Variants in TNPO3 observed in about 807,000 individuals in gnomAD.
TNPO3 encodes transportin-3.
A neutral mutation model predicts 122.8 loss-of-function variants in TNPO3; 65 were observed. That is an observed-to-expected ratio of 0.53 (90% CI 0.43 to 0.65). The LOEUF is 0.65. Ranked by LOEUF, TNPO3 falls within the 30% of genes least tolerant of loss-of-function variation. TNPO3 has a pLI of 0.00. For missense variants in TNPO3, 850 were observed against 1,136.7 expected (o/e 0.75, Z 3.63); for synonymous variants, 372 against 411.2 (o/e 0.90, Z 1.15).
intron 4 of TNPO3, among the ~76,000 whole-genome samples, chr7:129,012,630 G>T (rs1730896346): frequency 6.6e-6 from 1 of 151,998 alleles, no homozygotes; most frequent in African/African-American, 2.4e-5. Flanking sequence ...AAACCCTTCT[G>T]GTCCCAAGCC....
intron 1 of TNPO3, among the ~76,000 whole-genome samples, chr7:129,037,176 A>G (rs1371735291): frequency 6.6e-6 from 1 of 152,256 alleles, no homozygotes; most frequent in East Asian, 1.9e-4. Flanking sequence ...TATGAAGAAT[A>G]AAAATGCCTC....
intron 1 of TNPO3, among the ~76,000 whole-genome samples, chr7:129,054,401 A>C (rs1809212376): frequency 6.6e-6 from 1 of 152,206 alleles, no homozygotes; most frequent in Admixed American, 6.5e-5. Context: ...GATTGATGCC[A>C]CAATCGAAGA....
intron 1 of TNPO3, 104 bp downstream of exon 1, chr7:129,054,544 AAGG>A: frequency 1.3e-6 from 2 of 1,513,240 alleles, no homozygotes; most frequent in Non-Finnish European, 1.8e-6. Flanking sequence ...GCTCCTCCCC[AAGG>A]AGGACCTCAC....
At chr7:128,961,693 G>A (rs1168288529) in intron 21 of TNPO3, among the ~76,000 whole-genome samples, 1 of 152,096 alleles carries the variant, frequency 6.6e-6, no homozygotes, top group African/African-American at 2.4e-5. Flanking sequence ...ATTTCTGAAA[G>A]CTTTTATGGT....
chr7:128,985,697 A>G, intron 12 of TNPO3, among the ~76,000 whole-genome samples: 1 of 152,344 alleles, frequency 6.6e-6, no homozygotes, highest in East Asian at 1.9e-4. Flanking sequence ...CCTCACTTCA[A>G]TGTCAAGGTT....
At chr7:128,980,391 T>G (rs960947378) in intron 14 of TNPO3, among the ~76,000 whole-genome samples, 2 of 152,174 alleles carry the variant, frequency 1.3e-5, no homozygotes, top group Non-Finnish European at 2.9e-5. Context: ...GTAGATCACC[T>G]GAGTCCAGGA....
chr7:128,959,780 G>C (rs1373068743), intron 21 of TNPO3, among the ~76,000 whole-genome samples: 1 of 152,180 alleles, frequency 6.6e-6, no homozygotes, highest in Non-Finnish European at 1.5e-5. Flanking sequence ...GCAGCACTTT[G>C]GGAGGCCAAG....
intron 17 of TNPO3, 94 bp from the exon 18 acceptor site, chr7:128,975,056 A>T: frequency 1.1e-6 from 1 of 928,912 alleles, no homozygotes; most frequent in Non-Finnish European, 1.7e-6. Context: ...GTACAAAAGG[A>T]ACAAAGAAGA....
chr7:129,054,797 C>G lies in TNPO3; in HGVS notation c.-27G>C. On this transcript the variant is annotated 5_prime_UTR_variant, in exon 1 of 23. Coordinates refer to ENST00000265388, the MANE Select transcript of TNPO3 (RefSeq NM_012470.4). Reference sequence around the variant, plus strand: ...GTGGTGGCGGTAGTGGCGGTAGCGACGGCTCTGATTCTTCTCCGGAGGATT... The same window carrying G: ...GTGGTGGCGGTAGTGGCGGTAGCGAGGGCTCTGATTCTTCTCCGGAGGATT... 1 of 1,613,820 alleles carries G rather than the reference C, an allele frequency of 6.2e-7. No homozygotes were observed. Among genetic ancestry groups the G allele is most frequent in the African/African-American group, 1.3e-5 (1 of 75,048 alleles).
chr7:129,042,817 C>T (rs1004484333), intron 1 of TNPO3, among the ~76,000 whole-genome samples: 1 of 148,598 alleles, frequency 6.7e-6, no homozygotes, highest in Admixed American at 6.7e-5. Flanking sequence ...TGAAATCAAA[C>T]TTAGCTAATA....
At chr7:129,011,309 A>G (rs529004385) in intron 4 of TNPO3, among the ~76,000 whole-genome samples, 47 of 152,322 alleles carry the variant, frequency 3.1e-4, no homozygotes, top group African/African-American at 9.1e-4. Flanking sequence ...AGGCATAGTT[A>G]CAGATTGGAT....
chr7:128,965,720 T>C (rs932844585), intron 21 of TNPO3, among the ~76,000 whole-genome samples: 2 of 152,202 alleles, frequency 1.3e-5, no homozygotes, highest in African/African-American at 2.4e-5. Context: ...TAAAATGTGG[T>C]ATATGCATAC....
rs35451473 is a variant in TNPO3 at position 129,015,380 on chromosome 7, A to AT, written c.396-246_396-245insA. Among the ~76,000 whole-genome samples, 96,759 of 152,060 alleles carry AT rather than the reference A, an allele frequency of 0.64. 31,111 individuals carry two copies. Among genetic ancestry groups the AT allele is most frequent in the Middle Eastern group, 0.71 (210 of 294 alleles). ...ATCTATATGTCCTAACATGAAAAAAAGTCCATAATGTAGTAAGTGAAAAAC... is the reference window on the plus strand; with the variant it reads ...ATCTATATGTCCTAACATGAAAAAAATGTCCATAATGTAGTAAGTGAAAAAC... On this transcript the variant is annotated intron_variant, in intron 3 of 22. Transcript: ENST00000265388.
chr7:129,036,452 A>G (rs1332311413), intron 1 of TNPO3, among the ~76,000 whole-genome samples: 1 of 152,204 alleles, frequency 6.6e-6, no homozygotes, highest in African/African-American at 2.4e-5. Flanking sequence ...CATAACAACC[A>G]AAAGAAAAGC....
At chr7:129,048,630 C>T (rs1293433875) in intron 1 of TNPO3, among the ~76,000 whole-genome samples, 1 of 148,904 alleles carries the variant, frequency 6.7e-6, no homozygotes, top group African/African-American at 2.5e-5. Flanking sequence ...ACATATACAT[C>T]TCATAAAGGA....
Position 128,972,580 on chromosome 7 carries a change from A to G in TNPO3, c.2276T>C (p.Phe759Ser). 6.2e-7 allele frequency: 1 copy of G among 1,613,040 alleles called. No homozygotes were observed. Among genetic ancestry groups the G allele is most frequent in the Non-Finnish European group, 8.5e-7 (1 of 1,179,572 alleles). ...VDDLFRLATR[F>S]IQRSPVTLLR... ...CAAGGTGACAGGGCTACGCTGAATA[A>G]ACCTGGTGTGGAAAGTGAGACTAGG... Residue 759 changes from phenylalanine (F) to serine (S), a missense_variant and splice_region_variant, in exon 19 of 23, where the codon TTT becomes TCT. Transcript: ENST00000265388.
At chr7:128,964,168 G>A (rs879526304) in intron 21 of TNPO3, among the ~76,000 whole-genome samples, 5 of 152,092 alleles carry the variant, frequency 3.3e-5, no homozygotes, top group Non-Finnish European at 7.4e-5. Context: ...ACAATATACT[G>A]TATTTGTCGA....
intron 9 of TNPO3, among the ~76,000 whole-genome samples, chr7:128,992,479 T>G (rs939170904): frequency 1.3e-5 from 2 of 152,184 alleles, no homozygotes; most frequent in African/African-American, 4.8e-5. Flanking sequence ...ATTTCTATTG[T>G]TTTAACTACT....
At chr7:128,989,898 G>GA in intron 11 of TNPO3, 63 bp downstream of exon 11, 1 of 1,572,944 alleles carries the variant, frequency 6.4e-7, no homozygotes, top group Non-Finnish European at 8.7e-7. Flanking sequence ...AAAAGTAAGA[G>GA]ATGAGAAGAA....
Sources: allele counts gnomAD v4.1 joint callset (sites outside exome capture counted in the v4.1 genomes callset), GRCh38; gene constraint gnomAD v4.1.1; transcripts MANE v1.5; gene names NCBI Gene and HGNC (gene_info 2026-07-23, HGNC 2026-07-21).